Variants in SLC26A5 observed in about 807,000 individuals in gnomAD.
SLC26A5 encodes the protein solute carrier family 26 member 5, also known as prestin.
Under a neutral mutation model 81.0 loss-of-function variants are expected in SLC26A5, and 51 were observed. That is an observed-to-expected ratio of 0.63 (90% CI 0.50 to 0.80). The LOEUF is 0.80. Ranked by LOEUF, SLC26A5 falls within the 30% of genes least tolerant of loss-of-function variation. The pLI, the probability that SLC26A5 is intolerant of heterozygous loss-of-function variation, is 0.00. For missense variants in SLC26A5, 771 were observed against 905.8 expected (o/e 0.85, Z 1.91); for synonymous variants, 325 against 332.8 (o/e 0.98, Z 0.25).
chr7:103,418,444 T>C (rs1825090996), intron 4 of SLC26A5, among the ~76,000 whole-genome samples: 1 of 152,176 alleles, frequency 6.6e-6, no homozygotes, highest in African/African-American at 2.4e-5. Flanking sequence ...CTTGACTGAA[T>C]GTCAGTTTGA....
intron 19 of SLC26A5, chr7:103,362,399 A>C (rs1820462801): frequency 7.5e-7 from 1 of 1,337,928 alleles, no homozygotes; most frequent in Non-Finnish European, 9.5e-7. Context: ...TTGTGATGCT[A>C]AGTGTGTTAA....
At chr7:103,391,156 C>G (rs1332350419) in intron 11 of SLC26A5, among the ~76,000 whole-genome samples, 1 of 152,236 alleles carries the variant, frequency 6.6e-6, no homozygotes, top group Non-Finnish European at 1.5e-5. Context: ...AGCTACCGCA[C>G]TTGGCCGGCC....
At position 103,367,824 on chromosome 7, in the gene SLC26A5, C is replaced by A. The variant is rs760058732; in HGVS notation, c.2041+8984G>T. ...AAATAGCACTGGTAAGTAGAAAGTT[C>A]TTGCTTATATTTGCTGGTCTGTCTG... is the stretch of plus-strand genomic sequence containing the variant. On this transcript the variant is annotated intron_variant, in intron 19 of 19. Transcript: ENST00000339444. The surrounding 1 kb of genome is among the most constrained non-coding windows in gnomAD (Gnocchi z 6.1). 6.2e-7 allele frequency: 1 copy of A among 1,611,902 alleles called. No homozygotes were observed. Among genetic ancestry groups the A allele is most frequent in the Non-Finnish European group, 8.5e-7 (1 of 1,179,116 alleles).
intron 19 of SLC26A5, among the ~76,000 whole-genome samples, chr7:103,360,492 C>T (rs2116210805): frequency 6.6e-6 from 1 of 152,292 alleles, no homozygotes; most frequent in Non-Finnish European, 1.5e-5. Flanking sequence ...CTCCTGGGCT[C>T]AAGTGATCCT....
intron 19 of SLC26A5, chr7:103,353,830 G>C: frequency 9.1e-7 from 1 of 1,096,316 alleles, no homozygotes; most frequent in Non-Finnish European, 1.3e-6. Flanking sequence ...AAAACAATTT[G>C]AATCGAACAG....
At chr7:103,370,694 C>T (rs1820984130), downstream of SLC26A5, among the ~76,000 whole-genome samples, 2 of 152,194 alleles carry the variant, frequency 1.3e-5, no homozygotes, top group Admixed American at 6.5e-5. Context: ...ATCCCATTAT[C>T]AGCTGCCATA....
chr7:103,405,446 G>A (rs1823966546), intron 8 of SLC26A5, among the ~76,000 whole-genome samples: 1 of 152,278 alleles, frequency 6.6e-6, no homozygotes, highest in African/African-American at 2.4e-5. Flanking sequence ...AGGCCCCTCT[G>A]CTACAGGTGT....
intron 2 of SLC26A5, among the ~76,000 whole-genome samples, chr7:103,442,113 T>C (rs1826921531): frequency 6.6e-6 from 1 of 151,384 alleles, no homozygotes; most frequent in Non-Finnish European, 1.5e-5. Context: ...TGCCAGTCCA[T>C]TGTCTCCTCC....
intron 4 of SLC26A5, among the ~76,000 whole-genome samples, chr7:103,418,341 T>G (rs1012896872): frequency 2.0e-5 from 3 of 152,242 alleles, no homozygotes; most frequent in Admixed American, 6.5e-5. Context: ...GCAGAATGAC[T>G]GTGAGAATTC....
intron 4 of SLC26A5, among the ~76,000 whole-genome samples, chr7:103,416,965 C>T (rs1824957990): frequency 1.3e-5 from 2 of 152,068 alleles, no homozygotes; most frequent in Admixed American, 1.3e-4. Flanking sequence ...TCATATTTAT[C>T]TATCTTCATT....
chr7:103,442,769 C>T (rs1469082971), intron 2 of SLC26A5, among the ~76,000 whole-genome samples: 1 of 152,142 alleles, frequency 6.6e-6, no homozygotes, highest in Non-Finnish European at 1.5e-5. Context: ...CCATGATCTC[C>T]ATTAATTTAC....
intron 2 of SLC26A5, among the ~76,000 whole-genome samples, chr7:103,438,123 A>G (rs1201829221): frequency 6.6e-6 from 1 of 152,154 alleles, no homozygotes; most frequent in African/African-American, 2.4e-5. Flanking sequence ...CAGATGTTCA[A>G]GTCCCTAGTT....
chr7:103,415,651 AT>A (rs1418321464), intron 4 of SLC26A5, among the ~76,000 whole-genome samples: 1 of 152,198 alleles, frequency 6.6e-6, no homozygotes, highest in Non-Finnish European at 1.5e-5. Context: ...CAGTTTATCA[AT>A]TTTAGATGCA....
intron 2 of SLC26A5, among the ~76,000 whole-genome samples, chr7:103,423,769 T>C (rs1378070191): frequency 6.6e-6 from 1 of 152,242 alleles, no homozygotes; most frequent in Non-Finnish European, 1.5e-5. Context: ...AATAAATTTC[T>C]ATTGTTTATA....
intron 2 of SLC26A5, among the ~76,000 whole-genome samples, chr7:103,431,839 A>T (rs1859784): frequency 0.38 from 57,798 of 151,424 alleles, 14,741 homozygotes; most frequent in African/African-American, 0.72. Context: ...ATCGAGAACT[A>T]CTGCTCTAAG....
intron 19 of SLC26A5, chr7:103,364,330 T>C: frequency 6.2e-7 from 1 of 1,611,258 alleles, no homozygotes; most frequent in Non-Finnish European, 8.5e-7. Context: ...TATCAAAGAA[T>C]ATATAGCCTT....
chr7:103,366,544 G>A (rs1182703739), intron 19 of SLC26A5, among the ~76,000 whole-genome samples: 1 of 152,188 alleles, frequency 6.6e-6, no homozygotes, highest in Non-Finnish European at 1.5e-5. Flanking sequence ...CTTTTGTCAT[G>A]TTGGTGCTCA....
chr7:103,434,075 CACTCTTTCT>C (rs1826276699), intron 2 of SLC26A5, among the ~76,000 whole-genome samples: 2 of 152,130 alleles, frequency 1.3e-5, no homozygotes, highest in South Asian at 4.1e-4. Context: ...GGATTAGCTC[CACTCTTTCT>C]AATTCCACAG....
At chr7:103,377,508 GAA>G (rs1331934783) in intron 18 of SLC26A5, 89 bp downstream of exon 18, 5 of 1,230,146 alleles carry the variant, frequency 4.1e-6, no homozygotes, top group Non-Finnish European at 6.0e-6. Context: ...ATCTTTTGTT[GAA>G]AAGAGAGCCT....
Sources: allele counts gnomAD v4.1 joint callset (sites outside exome capture counted in the v4.1 genomes callset), GRCh38; gene constraint gnomAD v4.1.1; non-coding constraint Gnocchi (gnomAD v3.1); transcripts MANE v1.5; gene names NCBI Gene and HGNC (gene_info 2026-07-23, HGNC 2026-07-21).